Variants in SELENOT observed in about 807,000 individuals in gnomAD.
The protein encoded by SELENOT is thioredoxin reductase-like selenoprotein T.
A neutral mutation model predicts 24.3 loss-of-function variants in SELENOT; 9 were observed. The observed-to-expected ratio is 0.37, with a 90% CI of 0.22 to 0.65. The LOEUF (loss-of-function observed/expected upper bound fraction) is 0.65. Among genes scored for constraint, SELENOT ranks in the 30% least tolerant of loss-of-function variants. SELENOT has a pLI of 0.60. For synonymous variants in SELENOT, 81 were observed against 86.0 expected (o/e 0.94, Z 0.32); for missense variants, 166 against 247.6 (o/e 0.67, Z 2.21).
intron 1 of SELENOT, among the ~76,000 whole-genome samples, chr3:150,619,175 C>G (rs1274018842): frequency 6.8e-6 from 1 of 146,718 alleles, no homozygotes; most frequent in African/African-American, 2.5e-5. Flanking sequence ...GAGCCGAGAT[C>G]GCGCCACTGC....
intron 1 of SELENOT, among the ~76,000 whole-genome samples, chr3:150,620,606 C>G (rs983674259): frequency 6.6e-6 from 1 of 152,116 alleles, no homozygotes; most frequent in African/African-American, 2.4e-5. Context: ...GGAAAAGTCA[C>G]GTTATCTCTC....
At chr3:150,622,620 A>G (rs1397941894) in intron 2 of SELENOT, 125 bp downstream of exon 2, 1 of 440,578 alleles carries the variant, frequency 2.3e-6, no homozygotes, top group Non-Finnish European at 4.0e-6. Context: ...TATACAGAGA[A>G]TGCTGTTTTA....
At chr3:150,617,177 GA>G (rs760917262) in intron 1 of SELENOT, among the ~76,000 whole-genome samples, 6 of 152,204 alleles carry the variant, frequency 3.9e-5, no homozygotes, top group Non-Finnish European at 7.3e-5. Flanking sequence ...ATTATATTCA[GA>G]GTGCATTTGT....
intron 1 of SELENOT, among the ~76,000 whole-genome samples, chr3:150,606,150 C>CTTT (rs34860334): frequency 1.6e-5 from 2 of 128,110 alleles, no homozygotes; most frequent in Non-Finnish European, 3.3e-5. Context: ...TTCTTTCTTC[C>CTTT]TTTTTTTTTT....
chr3:150,606,341 C>G (rs1358815311), intron 1 of SELENOT, among the ~76,000 whole-genome samples: 3 of 151,436 alleles, frequency 2.0e-5, no homozygotes, highest in African/African-American at 7.3e-5. Flanking sequence ...CCTGGTCTTG[C>G]CTTGTTGCCC....
chr3:150,611,782 C>T (rs1431511576), intron 1 of SELENOT: 2 of 1,143,226 alleles, frequency 1.7e-6, no homozygotes, highest in Non-Finnish European at 2.5e-6. Flanking sequence ...CCCCTGCGCC[C>T]GGCCCCTCAG....
chr3:150,615,818 A>G (rs932837358), intron 1 of SELENOT, among the ~76,000 whole-genome samples: 7 of 152,138 alleles, frequency 4.6e-5, no homozygotes, highest in African/African-American at 1.4e-4. Flanking sequence ...CAAGCTACCA[A>G]TGCCTTTCTT....
intron 1 of SELENOT, among the ~76,000 whole-genome samples, chr3:150,613,213 G>A (rs544376714): frequency 6.6e-6 from 1 of 152,194 alleles, no homozygotes; most frequent in African/African-American, 2.4e-5. Flanking sequence ...GGGCCTTCTT[G>A]CTGAGTCAGC....
intron 4 of SELENOT, among the ~76,000 whole-genome samples, chr3:150,625,762 A>T (rs1333260716): frequency 6.6e-6 from 1 of 152,202 alleles, no homozygotes; most frequent in South Asian, 2.1e-4. Context: ...ATATTATATA[A>T]GTACCTACAT....
chr3:150,621,153 G>A (rs1033441211), intron 1 of SELENOT, among the ~76,000 whole-genome samples: 11 of 152,130 alleles, frequency 7.2e-5, no homozygotes, highest in Admixed American at 5.2e-4. Context: ...CTTAAGTATA[G>A]AGATTTGTAT....
chr3:150,610,571 T>A (rs71306517), intron 1 of SELENOT, among the ~76,000 whole-genome samples: 3 of 152,254 alleles, frequency 2.0e-5, no homozygotes, highest in African/African-American at 7.2e-5. Flanking sequence ...GAAATTATTG[T>A]TCTTTCTCTC....
intron 1 of SELENOT, among the ~76,000 whole-genome samples, chr3:150,604,093 C>T (rs2108002151): frequency 6.6e-6 from 1 of 152,296 alleles, no homozygotes; most frequent in Middle Eastern, 3.4e-3. Context: ...TCTGGGGATG[C>T]TGGTTCTGTT....
At chr3:150,619,706 G>T (rs1230728719) in intron 1 of SELENOT, among the ~76,000 whole-genome samples, 1 of 152,166 alleles carries the variant, frequency 6.6e-6, no homozygotes, top group Non-Finnish European at 1.5e-5. Context: ...GGAATAATTT[G>T]AAAGAAATGG....
chr3:150,626,822 G>C, intron 4 of SELENOT, 188 bp from the exon 5 acceptor site: 1 of 550,522 alleles, frequency 1.8e-6, no homozygotes, highest in African/African-American at 1.9e-5. Context: ...TTGTAATTTT[G>C]TAGCCATTTG....
chr3:150,627,648 A>G lies in SELENOT; in HGVS notation c.*30-11A>G, dbSNP rs909328920. On this transcript the variant is annotated splice_polypyrimidine_tract_variant and intron_variant, in intron 5 of 5. Coordinates refer to ENST00000471696, the MANE Select transcript of SELENOT (RefSeq NM_016275.5). ...TGCAATAAAATATTCTTTTTTCTGT[A>G]TATCTTTCAGGCATTAAGGGATCAT... 6.5e-6 allele frequency: 1 copy of G among 152,828 alleles called. No individual in the cohort carries two copies. The highest frequency in any genetic ancestry group is 2.4e-5 in the African/African-American group (1 of 41,452). The allele number at this position is 152,828 out of a possible 1,614,324, so 9.5% of individuals were successfully genotyped here.
chr3:150,614,411 G>GGT (rs1559896412), intron 1 of SELENOT, among the ~76,000 whole-genome samples: 2 of 144,274 alleles, frequency 1.4e-5, no homozygotes, highest in Non-Finnish European at 3.0e-5. Flanking sequence ...ATGGAGGTGG[G>GGT]TTTTTTTTTT....
chr3:150,618,307 A>T (rs1269708448), intron 1 of SELENOT, among the ~76,000 whole-genome samples: 1 of 152,224 alleles, frequency 6.6e-6, no homozygotes, highest in East Asian at 1.9e-4. Context: ...GGCTATTGTG[A>T]ATCAAACGAG....
At chr3:150,611,945 G>C (rs1726104658) in intron 1 of SELENOT, 1 of 778,248 alleles carries the variant, frequency 1.3e-6, no homozygotes, top group Non-Finnish European at 2.0e-6. Flanking sequence ...GTCGGCGGCA[G>C]TTCACTCTGC....
intron 1 of SELENOT, among the ~76,000 whole-genome samples, chr3:150,616,735 T>C (rs1383278769): frequency 6.6e-6 from 1 of 152,210 alleles, no homozygotes; most frequent in Non-Finnish European, 1.5e-5. Flanking sequence ...TGTGTCAATA[T>C]TAATCAAGTG....
Sources: allele counts gnomAD v4.1 joint callset (sites outside exome capture counted in the v4.1 genomes callset), GRCh38; gene constraint gnomAD v4.1.1; transcripts MANE v1.5; gene names NCBI Gene and HGNC (gene_info 2026-07-23, HGNC 2026-07-21).